LRRC37A2: variants seen among roughly 807,000 people sequenced by gnomAD.
LRRC37A2 encodes the protein leucine-rich repeat-containing protein 37A2.
In LRRC37A2, 9 loss-of-function variants were observed where a neutral mutation model predicts 68.8. That is an observed-to-expected ratio of 0.13 (90% CI 0.08 to 0.23). The LOEUF (loss-of-function observed/expected upper bound fraction) is 0.23, where lower values mean the gene tolerates loss of function less well. Among genes scored for constraint, LRRC37A2 ranks in the 10% least tolerant of loss-of-function variants. The pLI, the probability that LRRC37A2 is intolerant of heterozygous loss-of-function variation, is 1.00. For synonymous variants in LRRC37A2, 63 were observed against 367.6 expected (o/e 0.17, Z 9.48); for missense variants, 168 against 950.4 (o/e 0.18, Z 10.82).
the LRRC37A2 span, chr17:46,935,429 TATC>T: frequency 7.0e-6 from 10 of 1,419,112 alleles, no homozygotes; most frequent in Admixed American, 2.6e-4. Flanking sequence ...TTACTGAACT[TATC>T]ATGAAAGTGA....
the LRRC37A2 span, among the ~76,000 whole-genome samples, chr17:46,707,118 T>A: frequency 6.6e-6 from 1 of 152,210 alleles, no homozygotes; most frequent in Admixed American, 6.5e-5. Flanking sequence ...TCCAAAGTAC[T>A]GGGATTACAG....
At chr17:46,889,067 C>A in the LRRC37A2 span, among the ~76,000 whole-genome samples, 4 of 152,168 alleles carry the variant, frequency 2.6e-5, no homozygotes, top group African/African-American at 9.7e-5. Context: ...CTCTTCCCTG[C>A]AGCAGGAAGA....
the LRRC37A2 span, chr17:46,722,062 G>A: frequency 2.0e-5 from 33 of 1,610,172 alleles, no homozygotes; most frequent in African/African-American, 9.3e-5. Flanking sequence ...GAGCCTTGAG[G>A]TCCGAGTTCA....
chr17:46,845,471 A>G, the LRRC37A2 span, among the ~76,000 whole-genome samples: 3 of 147,656 alleles, frequency 2.0e-5, no homozygotes, highest in African/African-American at 7.5e-5. Flanking sequence ...GGGACAATGG[A>G]GTGAGTTATC....
the LRRC37A2 span, among the ~76,000 whole-genome samples, chr17:46,784,149 A>G: frequency 6.6e-6 from 1 of 152,108 alleles, no homozygotes; most frequent in Non-Finnish European, 1.5e-5. Context: ...TCAGGAACAG[A>G]CAGGAAGCTG....
the LRRC37A2 span, chr17:46,936,372 C>T: frequency 1.7e-5 from 17 of 985,206 alleles, no homozygotes; most frequent in South Asian, 4.7e-5. Flanking sequence ...AGTCTGGCAG[C>T]GCTGGGGCAT....
the LRRC37A2 span, among the ~76,000 whole-genome samples, chr17:46,714,421 G>T: frequency 6.6e-6 from 1 of 152,166 alleles, no homozygotes; most frequent in Non-Finnish European, 1.5e-5. Flanking sequence ...CCTACAAAAG[G>T]ATAGTTTTAT....
chr17:46,840,032 T>C, the LRRC37A2 span, among the ~76,000 whole-genome samples: 10 of 133,162 alleles, frequency 7.5e-5, no homozygotes, highest in Admixed American at 1.5e-4. Flanking sequence ...TCTTTCTTTC[T>C]TTTCTTTCTT....
the LRRC37A2 span, among the ~76,000 whole-genome samples, chr17:46,500,530 G>C: frequency 1.3e-5 from 2 of 149,732 alleles, no homozygotes; most frequent in African/African-American, 5.0e-5. Flanking sequence ...AGGAAGGACT[G>C]TTTCGAGGCA....
At chr17:46,764,834 G>A in the LRRC37A2 span, among the ~76,000 whole-genome samples, 4 of 152,106 alleles carry the variant, frequency 2.6e-5, no homozygotes, top group African/African-American at 7.2e-5. Flanking sequence ...TAAGGCTTTC[G>A]AGTCCACAGA....
the LRRC37A2 span, chr17:46,872,730 C>A: frequency 6.2e-7 from 1 of 1,604,888 alleles, no homozygotes; most frequent in Non-Finnish European, 8.5e-7. Flanking sequence ...GGCATGAGCG[C>A]TGGAACTGTA....
the LRRC37A2 span, among the ~76,000 whole-genome samples, chr17:47,030,895 C>T: frequency 1.3e-5 from 2 of 152,068 alleles, no homozygotes; most frequent in Non-Finnish European, 2.9e-5. Flanking sequence ...AAAAAAGAGG[C>T]CCCAGCTGTG....
chr17:47,024,708 T>C, the LRRC37A2 span: 1 of 871,204 alleles, frequency 1.1e-6, no homozygotes, highest in Non-Finnish European at 2.0e-6. Context: ...CTTGACTGAA[T>C]TACACAAGGA....
chr17:46,798,769 G>A, the LRRC37A2 span, among the ~76,000 whole-genome samples: 1 of 152,142 alleles, frequency 6.6e-6, no homozygotes, highest in African/African-American at 2.4e-5. Flanking sequence ...TCCCTGATAG[G>A]CTGGGCGCAG....
At chr17:46,973,045 A>C in the LRRC37A2 span, 2 of 152,278 alleles carry the variant, frequency 1.3e-5, no homozygotes, top group East Asian at 4.1e-4. Flanking sequence ...TCTGAGTAGC[A>C]TCCTTGGAAT....
chr17:46,833,498 C>T, the LRRC37A2 span: 1 of 461,034 alleles, frequency 2.2e-6, no homozygotes, highest in Non-Finnish European at 4.3e-6. Context: ...CTGGTCACCT[C>T]ACTGCCTGAC....
At chr17:46,490,628 G>T in the LRRC37A2 span, among the ~76,000 whole-genome samples, 4 of 149,744 alleles carry the variant, frequency 2.7e-5, no homozygotes, top group African/African-American at 1.0e-4. Flanking sequence ...GGAGGCTGAG[G>T]CAGGAGAATC....
At chr17:46,635,267 GA>G in the LRRC37A2 span, among the ~76,000 whole-genome samples, 4 of 140,420 alleles carry the variant, frequency 2.8e-5, no homozygotes, top group Non-Finnish European at 6.4e-5. Flanking sequence ...GGAGAACTTA[GA>G]CTTTGTAGAG....
At chr17:46,687,394 A>T in the LRRC37A2 span, among the ~76,000 whole-genome samples, 35 of 151,584 alleles carry the variant, frequency 2.3e-4, no homozygotes, top group Admixed American at 1.7e-3. Context: ...TGCTAGAAAC[A>T]AACAAACAAA....
Sources: gnomAD v4.1 joint callset for allele counts (sites outside exome capture counted in the v4.1 genomes callset) on GRCh38, gnomAD v4.1.1 for gene constraint, MANE v1.5 for transcripts, NCBI Gene and HGNC (gene_info 2026-07-23, HGNC 2026-07-21) for gene names.